Variants in TJP1 observed in about 807,000 individuals in gnomAD.
TJP1 encodes the protein tight junction protein 1, also known as tight junction protein ZO-1.
A neutral mutation model predicts 194.2 loss-of-function variants in TJP1; 43 were observed. The ratio of observed to expected loss-of-function variants is 0.22; its 90% CI spans 0.17 to 0.29. The LOEUF (loss-of-function observed/expected upper bound fraction) is 0.29. Ranked by LOEUF, TJP1 falls within the 10% of genes least tolerant of loss-of-function variation. TJP1 has a pLI of 1.00. For missense variants in TJP1, 1,971 were observed against 2,185.7 expected (o/e 0.90, Z 1.96); for synonymous variants, 801 against 779.0 (o/e 1.03, Z -0.47).
At chr15:29,721,912 T>G in intron 18 of TJP1, among the ~76,000 whole-genome samples, 1 of 152,170 alleles carries the variant, frequency 6.6e-6, no homozygotes, top group East Asian at 1.9e-4. Context: ...ACTTTGAACT[T>G]GAGAGAGATG....
chr15:29,866,807 C>A (rs1010187330), intron 2 of TJP1, among the ~76,000 whole-genome samples: 1 of 152,152 alleles, frequency 6.6e-6, no homozygotes, highest in African/African-American at 2.4e-5. Flanking sequence ...GGCTGGAGAC[C>A]GAGCTGTCAG....
At chr15:29,857,404 G>A (rs2051900399) in intron 2 of TJP1, among the ~76,000 whole-genome samples, 2 of 152,070 alleles carry the variant, frequency 1.3e-5, no homozygotes, top group African/African-American at 4.8e-5. Context: ...CAGGAAATGG[G>A]TTAAAAGGCC....
chr15:29,737,463 G>A lies in TJP1; in HGVS notation c.1257-49C>T, dbSNP rs776917985. 7.5e-6 allele frequency: 12 copies of A among 1,600,450 alleles called. 1 individual carries two copies. The highest frequency in any genetic ancestry group is 6.7e-5 in the Admixed American group (4 of 59,708). On this transcript the variant is annotated intron_variant, in intron 10 of 27. Coordinates refer to ENST00000614355, the MANE Select transcript of TJP1 (RefSeq NM_001330239.4). The stretch of plus-strand genomic sequence containing the variant: ...GAAACAGTTAAGAAGAGCTTAAAAC[G>A]TTATAGCAATCACTACAGTGAAAAC...
chr15:29,958,808 C>A (rs2049259), intron 1 of TJP1, among the ~76,000 whole-genome samples: 69,759 of 151,872 alleles, frequency 0.46, 16,545 homozygotes, highest in East Asian at 0.79. Context: ...AAAAGCCCCA[C>A]CTTCCCTTAG....
upstream of TJP1, among the ~76,000 whole-genome samples, chr15:29,826,994 C>G (rs1049130014): frequency 6.6e-6 from 1 of 152,112 alleles, no homozygotes; most frequent in Admixed American, 6.5e-5. Context: ...CTCTTGATAC[C>G]CCTGCTGGTC....
At chr15:29,786,794 G>C (rs1233995545) in intron 2 of TJP1, among the ~76,000 whole-genome samples, 1 of 152,170 alleles carries the variant, frequency 6.6e-6, no homozygotes, top group African/African-American at 2.4e-5. Context: ...GAGCCACTGT[G>C]CCAGCCACAT....
intron 2 of TJP1, among the ~76,000 whole-genome samples, chr15:29,847,791 A>G (rs1173914031): frequency 1.3e-5 from 2 of 152,216 alleles, no homozygotes; most frequent in Admixed American, 6.5e-5. Flanking sequence ...TCTCAAAAAA[A>G]TAAAAATAAA....
At chr15:29,767,861 A>G (rs76941776) in intron 4 of TJP1, among the ~76,000 whole-genome samples, 1,978 of 152,198 alleles carry the variant, frequency 0.013, 53 homozygotes, top group East Asian at 0.096. Context: ...CTGGATGAAC[A>G]AAACCCTTGT....
intron 2 of TJP1, among the ~76,000 whole-genome samples, chr15:29,892,107 A>G (rs867402378): frequency 6.6e-6 from 1 of 152,250 alleles, no homozygotes; most frequent in Non-Finnish European, 1.5e-5. Flanking sequence ...CACATGAATG[A>G]TAAGAATGCA....
rs1163487415 is a variant in TJP1 at position 29,933,495 on chromosome 15, GA to G, written c.306+22736del. Among the ~76,000 whole-genome samples, 6 of 152,194 alleles carry G rather than the reference GA, an allele frequency of 3.9e-5. No homozygotes were observed. The East Asian group carries it at 1.2e-3, about 29-fold the overall frequency. ...AAGATAACATTCAACTGCCAATCCT[GA>G]AAAGAAGTTAAGGAGAATGAATCCT... On this transcript the variant is annotated intron_variant, in intron 2 of 28. Coordinates refer to the TJP1 transcript ENST00000356107.
chr15:29,903,026 C>G lies in TJP1; in HGVS notation c.306+53206G>C, dbSNP rs570790716. On this transcript the variant is annotated intron_variant, in intron 2 of 28. Coordinates refer to the TJP1 transcript ENST00000356107. ...TCTATCTAATATGCCAGGTTTTGAC[C>G]TAAGTGATTACAGGCAAGCCCAGCC... 3.6e-4 allele frequency among the ~76,000 whole-genome samples: 55 copies of G among 151,948 alleles called. No homozygotes were observed. In the South Asian group the frequency reaches 0.011, roughly 32 times the overall value.
intron 15 of TJP1, chr15:29,730,596 GAAA>G (rs767411082): frequency 3.2e-5 from 15 of 464,304 alleles, no homozygotes; most frequent in South Asian, 3.7e-5. Context: ...CTCTGTCTCT[GAAA>G]AAAAAAAAAG....
At position 29,762,330 on chromosome 15, in the gene TJP1, T is replaced by C; in HGVS notation, c.693+5A>G. 2 of 1,605,584 alleles carry C rather than the reference T, an allele frequency of 1.2e-6. No individual in the cohort carries two copies. Among genetic ancestry groups the C allele is most frequent in the Non-Finnish European group, 1.7e-6 (2 of 1,173,504 alleles). On this transcript the variant is annotated splice_donor_5th_base_variant and intron_variant, in intron 6 of 27. Transcript: ENST00000614355. ...GTTCATTAAAAAGTAAGAATATGAT[T>C]ATACCTTCAATACAACATCACCTTC...
intron 2 of TJP1, among the ~76,000 whole-genome samples, chr15:29,904,724 A>G (rs2053750976): frequency 6.6e-6 from 1 of 152,228 alleles, no homozygotes; most frequent in African/African-American, 2.4e-5. Flanking sequence ...CTCAAAATTC[A>G]TGTCTATCTG....
chr15:29,957,061 A>G (rs2055973519), intron 1 of TJP1, among the ~76,000 whole-genome samples: 1 of 152,196 alleles, frequency 6.6e-6, no homozygotes, highest in Non-Finnish European at 1.5e-5. Flanking sequence ...GTGAGCTATC[A>G]TTGTGTCCAT....
intron 2 of TJP1, among the ~76,000 whole-genome samples, chr15:29,870,737 C>T (rs1039140069): frequency 5.3e-5 from 8 of 152,182 alleles, no homozygotes; most frequent in Non-Finnish European, 1.0e-4. Flanking sequence ...GGAAGACTAA[C>T]GATTCTGCCT....
chr15:29,801,375 G>A (rs1053554151), intron 1 of TJP1, among the ~76,000 whole-genome samples: 3 of 152,000 alleles, frequency 2.0e-5, no homozygotes, highest in African/African-American at 7.3e-5. Context: ...AGCAGTAAGA[G>A]CTCCAATACA....
chr15:29,963,508 T>C (rs2056231943), intron 1 of TJP1, among the ~76,000 whole-genome samples: 1 of 152,208 alleles, frequency 6.6e-6, no homozygotes, highest in Admixed American at 6.5e-5. Flanking sequence ...TCTTATTGTT[T>C]TTGGAATCTG....
At chr15:29,839,998 C>G (rs2051165807) in intron 2 of TJP1, among the ~76,000 whole-genome samples, 1 of 152,202 alleles carries the variant, frequency 6.6e-6, no homozygotes, top group Non-Finnish European at 1.5e-5. Flanking sequence ...TCTTCAAAAG[C>G]TAATGACATT....
Sources: gnomAD v4.1 joint callset for allele counts (sites outside exome capture counted in the v4.1 genomes callset) on GRCh38, gnomAD v4.1.1 for gene constraint, MANE v1.5 for transcripts, NCBI Gene and HGNC (gene_info 2026-07-23, HGNC 2026-07-21) for gene names.